The following EFTUD2 variants were observed in gnomAD, a reference collection of about 807,000 sequenced individuals.
EFTUD2 encodes 116 kDa U5 small nuclear ribonucleoprotein component.
In EFTUD2, 9 loss-of-function variants were observed where a neutral mutation model predicts 114.3. The observed-to-expected ratio is 0.08, with a 90% CI of 0.05 to 0.14. The LOEUF is 0.14. Ranked by LOEUF, EFTUD2 falls within the 10% of genes least tolerant of loss-of-function variation. The pLI is 1.00. For missense variants in EFTUD2, 765 were observed against 1,241.2 expected, an observed-to-expected ratio of 0.62 and a Z score of 5.76; for synonymous variants, 449 against 462.3, an observed-to-expected ratio of 0.97 and a Z score of 0.37.
chr17:44,875,768 T>TA (rs1376780932), intron 10 of EFTUD2, 166 bp downstream of exon 10: 1 of 715,956 alleles, frequency 1.4e-6, no homozygotes, highest in African/African-American at 1.8e-5. Context: ...GAAGATGTGT[T>TA]AAAGTATGAA....
rs192022034 is a variant in EFTUD2 at position 44,889,112 on chromosome 17, G to C, written c.106-2362C>G. On this transcript the variant is annotated intron_variant, in intron 2 of 27. Transcript: ENST00000426333. ...GAGGAAAACCAGGGGTTCTCTGAAA[G>C]CCAAAGGAAGAGAGTATTTTAAAGA... Among the ~76,000 whole-genome samples, 35 of 152,268 alleles carry C rather than the reference G, an allele frequency of 2.3e-4. No homozygotes were observed. The East Asian group carries it at 3.3e-3, about 14-fold the overall frequency.
rs34404174 is a variant in EFTUD2, at chr17:44,860,595, AT to A, written c.1608-53del. 101,150 of 661,316 alleles carry A rather than the reference AT, an allele frequency of 0.15. 128 individuals carry two copies. Among genetic ancestry groups the A allele is most frequent in the South Asian group, 0.17 (8,519 of 50,294 alleles). 41.0% of individuals were successfully genotyped at this position (661,316 alleles called of 1,614,324 possible). On this transcript the variant is annotated intron_variant, in intron 16 of 27. Coordinates refer to ENST00000426333, the MANE Select transcript of EFTUD2 (RefSeq NM_004247.4). ...TGAAACTTAGGCAGAGCATTCCCTA[AT>A]TTTTTTTTTTTTTTTTTTTTTGAGA...
chr17:44,870,172 G>A (rs532265906), intron 11 of EFTUD2, among the ~76,000 whole-genome samples: 208 of 152,266 alleles, frequency 1.4e-3, no homozygotes, highest in Non-Finnish European at 2.5e-3. Flanking sequence ...GCTAGCTCTG[G>A]CATAAACTAA....
intron 18 of EFTUD2, 166 bp downstream of exon 18, chr17:44,859,737 CGT>C (rs2050622031): frequency 6.6e-6 from 7 of 1,066,830 alleles, no homozygotes; most frequent in Admixed American, 4.6e-5. Flanking sequence ...CACACACACA[CGT>C]GTCTTGTCCT....
chr17:44,884,043 G>A, intron 4 of EFTUD2: 1 of 309,030 alleles, frequency 3.2e-6, no homozygotes, highest in Non-Finnish European at 6.3e-6. Context: ...GAGGTGGGTG[G>A]ATTACCTGAG....
intron 24 of EFTUD2, 48 bp from the exon 25 acceptor site, chr17:44,853,438 G>T: frequency 6.2e-7 from 1 of 1,612,800 alleles, no homozygotes; most frequent in Non-Finnish European, 8.5e-7. Context: ...GAAGGCTGGG[G>T]GCCTATAGTC....
In EFTUD2 at chr17:44,850,296, G is replaced by A. The variant is rs772764846; in HGVS notation, c.*978C>T. Reference sequence around the variant, plus strand: ...GAGCCAGAGGACGGGTGAAGGGTTTGATGCCAAGGGGCATTATTTCTTTTC... The same window carrying A: ...GAGCCAGAGGACGGGTGAAGGGTTTAATGCCAAGGGGCATTATTTCTTTTC... On this transcript the variant is annotated 3_prime_UTR_variant, in exon 28 of 28. Transcript: ENST00000426333. 1.9e-6 allele frequency: 3 copies of A among 1,573,748 alleles called. No homozygotes were observed. Among genetic ancestry groups the A allele is most frequent in the Non-Finnish European group, 1.7e-6 (2 of 1,150,236 alleles).
At chr17:44,890,396 TA>T (rs111920175) in intron 2 of EFTUD2, among the ~76,000 whole-genome samples, 61,928 of 147,648 alleles carry the variant, frequency 0.42, 12,953 homozygotes, top group Middle Eastern at 0.54. Context: ...TCAATATAAT[TA>T]AAAAAAAAAA....
intron 16 of EFTUD2, among the ~76,000 whole-genome samples, chr17:44,860,869 G>A (rs1311773882): frequency 6.6e-6 from 1 of 152,064 alleles, no homozygotes; most frequent in Non-Finnish European, 1.5e-5. Flanking sequence ...AAAGTGCTAG[G>A]ATTACAGGTG....
chr17:44,867,094 G>A (rs1964014900), intron 13 of EFTUD2, among the ~76,000 whole-genome samples: 1 of 152,098 alleles, frequency 6.6e-6, no homozygotes, highest in Admixed American at 6.6e-5. Context: ...GCGACAGAGT[G>A]GGACCCTATC....
intron 11 of EFTUD2, among the ~76,000 whole-genome samples, chr17:44,872,080 T>C (rs924960897): frequency 6.6e-6 from 1 of 152,202 alleles, no homozygotes; most frequent in Non-Finnish European, 1.5e-5. Context: ...TCTGCCTCCA[T>C]ACGGCTGGCT....
In EFTUD2 at chr17:44,883,176, G is replaced by A. The variant is rs1486172346; in HGVS notation, c.427-18C>T. 6.2e-7 allele frequency: 1 copy of A among 1,613,570 alleles called. No individual in the cohort carries two copies. Among genetic ancestry groups the A allele is most frequent in the Non-Finnish European group, 8.5e-7 (1 of 1,179,652 alleles). On this transcript the variant is annotated intron_variant, in intron 5 of 27. Coordinates refer to ENST00000426333, the MANE Select transcript of EFTUD2 (RefSeq NM_004247.4). ...AAACATGTCTAAAAGGGAAGAAACA[G>A]TTAACATCTGCCGACCACAGAGGAA...
At chr17:44,874,013 C>A (rs374886067) in intron 10 of EFTUD2, among the ~76,000 whole-genome samples, 10 of 147,214 alleles carry the variant, frequency 6.8e-5, no homozygotes, top group African/African-American at 2.0e-4. Context: ...AGATTACAGG[C>A]GTGAGCCACC....
Position 44,874,444 on chromosome 17 carries a change from C to T in EFTUD2, c.869+1490G>A, listed in dbSNP as rs906775406. On this transcript the variant is annotated intron_variant, in intron 10 of 27. Coordinates refer to ENST00000426333, the MANE Select transcript of EFTUD2 (RefSeq NM_004247.4). ...CTTGCAGAGATGGGGTGAAGATATT[C>T]CTTTTGAAAAGTAGTGCTACACACT... 2.0e-5 allele frequency among the ~76,000 whole-genome samples: 3 copies of T among 152,154 alleles called. No homozygotes were observed. In the South Asian group the frequency reaches 6.2e-4, roughly 32 times the overall value.
At chr17:44,883,800 G>A in intron 4 of EFTUD2, 76 bp from the exon 5 acceptor site, 1 of 1,466,942 alleles carries the variant, frequency 6.8e-7, no homozygotes, top group Non-Finnish European at 9.5e-7. Context: ...AGGTGTTTCA[G>A]GTATTTTTTG....
chr17:44,882,427 T>C (rs2145543710), intron 6 of EFTUD2, among the ~76,000 whole-genome samples: 1 of 152,176 alleles, frequency 6.6e-6, no homozygotes, highest in African/African-American at 2.4e-5. Context: ...AGCTACATTT[T>C]GCATTTTTAG....
intron 2 of EFTUD2, among the ~76,000 whole-genome samples, chr17:44,891,174 TAC>T (rs1029089045): frequency 1.3e-4 from 20 of 152,228 alleles, no homozygotes; most frequent in South Asian, 8.3e-4. Context: ...TTACTTAAAA[TAC>T]ACACACACTA....
chr17:44,876,761 G>A (rs1264326192), intron 9 of EFTUD2, among the ~76,000 whole-genome samples: 1 of 146,804 alleles, frequency 6.8e-6, no homozygotes, highest in Non-Finnish European at 1.5e-5. Context: ...GCTGAGGCAG[G>A]AGAATGGCGT....
intron 17 of EFTUD2, 132 bp downstream of exon 17, chr17:44,860,300 G>C (rs1257609143): frequency 1.3e-6 from 1 of 766,152 alleles, no homozygotes; most frequent in African/African-American, 1.7e-5. Context: ...GAATCCAGCA[G>C]GGTCATATCT....
Sources: gnomAD v4.1 joint callset for allele counts (sites outside exome capture counted in the v4.1 genomes callset) on GRCh38, gnomAD v4.1.1 for gene constraint, MANE v1.5 for transcripts, NCBI Gene and HGNC (gene_info 2026-07-23, HGNC 2026-07-21) for gene names.